Variants in MACROD2 observed in about 807,000 individuals in gnomAD.
MACROD2 encodes the protein mono-ADP ribosylhydrolase 2.
In MACROD2, 36 loss-of-function variants were observed where a neutral mutation model predicts 70.4. The observed-to-expected ratio is 0.51, with a 90% CI of 0.39 to 0.68. The LOEUF is 0.68. MACROD2 is among the 30% of genes least tolerant of loss of function. The pLI is 0.00. For synonymous variants in MACROD2, 172 were observed against 178.8 expected, an observed-to-expected ratio of 0.96 and a Z score of 0.30; for missense variants, 496 against 538.4, an observed-to-expected ratio of 0.92 and a Z score of 0.78.
chr20:14,476,831 T>C (rs751384187), intron 3 of MACROD2, among the ~76,000 whole-genome samples: 16 of 152,244 alleles, frequency 1.1e-4, no homozygotes, highest in Admixed American at 6.5e-4. Flanking sequence ...AATCCTTTCA[T>C]CCTTCTATTA....
At chr20:14,440,265 C>G (rs1338307200) in intron 3 of MACROD2, among the ~76,000 whole-genome samples, 1 of 152,092 alleles carries the variant, frequency 6.6e-6, no homozygotes, top group Non-Finnish European at 1.5e-5. Context: ...TTGTCTAACC[C>G]CAGCTGGTCA....
chr20:15,798,246 T>A (rs916530739), intron 8 of MACROD2, among the ~76,000 whole-genome samples: 3 of 152,160 alleles, frequency 2.0e-5, no homozygotes, highest in African/African-American at 7.2e-5. Context: ...CCACAATGTC[T>A]GGGGCTTTAG....
chr20:14,570,593 A>G (rs1980124626), intron 4 of MACROD2, among the ~76,000 whole-genome samples: 1 of 152,092 alleles, frequency 6.6e-6, no homozygotes, highest in African/African-American at 2.4e-5. Context: ...AAAGAGATAC[A>G]TGATTAAAGC....
intron 6 of MACROD2, among the ~76,000 whole-genome samples, chr20:15,246,275 A>ATGTG (rs139635444): frequency 1.3e-5 from 2 of 151,946 alleles, no homozygotes; most frequent in African/African-American, 4.8e-5. Context: ...GTGTATGTGT[A>ATGTG]TGTGTGTGTG....
At chr20:14,101,813 G>A (rs993644639) in intron 3 of MACROD2, among the ~76,000 whole-genome samples, 3 of 150,856 alleles carry the variant, frequency 2.0e-5, no homozygotes, top group Non-Finnish European at 2.9e-5. Context: ...CAGCTGCTTC[G>A]GCATTTATTC....
At chr20:15,427,063 T>A (rs150440046) in intron 6 of MACROD2, among the ~76,000 whole-genome samples, 194 of 152,234 alleles carry the variant, frequency 1.3e-3, no homozygotes, top group African/African-American at 4.4e-3. Context: ...ATTAATGGAG[T>A]AGGCTTAGTT....
At chr20:14,853,870 A>T (rs1362599954) in intron 5 of MACROD2, among the ~76,000 whole-genome samples, 1 of 152,138 alleles carries the variant, frequency 6.6e-6, no homozygotes, top group Non-Finnish European at 1.5e-5. Context: ...CAAGAATTTA[A>T]TGAGTAATAA....
At chr20:14,961,941 C>T (rs1296246007) in intron 5 of MACROD2, among the ~76,000 whole-genome samples, 1 of 152,108 alleles carries the variant, frequency 6.6e-6, no homozygotes, top group African/African-American at 2.4e-5. Flanking sequence ...AACTAAACTT[C>T]AGACCTTATT....
intron 5 of MACROD2, among the ~76,000 whole-genome samples, chr20:15,142,498 C>A (rs1386439333): frequency 6.6e-6 from 1 of 151,536 alleles, no homozygotes; most frequent in Admixed American, 6.6e-5. Context: ...TGTTATTTTC[C>A]ATTTTTACTA....
intron 4 of MACROD2, among the ~76,000 whole-genome samples, chr20:14,641,663 T>C (rs1985102134): frequency 6.6e-6 from 1 of 152,228 alleles, no homozygotes; most frequent in Non-Finnish European, 1.5e-5. Context: ...ATCAGAGCTC[T>C]TGGGTGACTG....
chr20:14,091,201 T>C (rs1486297025), intron 3 of MACROD2, among the ~76,000 whole-genome samples: 1 of 152,242 alleles, frequency 6.6e-6, no homozygotes. Flanking sequence ...GTGGGTTGTC[T>C]CTTCACTTTG....
intron 4 of MACROD2, among the ~76,000 whole-genome samples, chr20:14,584,666 G>A (rs1288340977): frequency 1.3e-5 from 2 of 152,074 alleles, no homozygotes; most frequent in East Asian, 1.9e-4. Context: ...TTGGTGGGGG[G>A]ACACATTCAG....
chr20:14,370,430 T>C (rs1343517636), intron 3 of MACROD2, among the ~76,000 whole-genome samples: 1 of 152,172 alleles, frequency 6.6e-6, no homozygotes, highest in Non-Finnish European at 1.5e-5. Context: ...AAATTTAGGA[T>C]AAAATATTTC....
chr20:15,651,003 T>C (rs1415846840), intron 8 of MACROD2, among the ~76,000 whole-genome samples: 1 of 152,240 alleles, frequency 6.6e-6, no homozygotes, highest in Non-Finnish European at 1.5e-5. Flanking sequence ...TATTACTTTT[T>C]GAAATTGAAG....
At chr20:14,792,946 G>T (rs1262645125) in intron 5 of MACROD2, among the ~76,000 whole-genome samples, 1 of 151,640 alleles carries the variant, frequency 6.6e-6, no homozygotes, top group Non-Finnish European at 1.5e-5. Context: ...AGTTATTTTG[G>T]ATTTTTTTTA....
At chr20:14,892,329 G>A (rs1459475133) in intron 5 of MACROD2, among the ~76,000 whole-genome samples, 1 of 152,020 alleles carries the variant, frequency 6.6e-6, no homozygotes, top group African/African-American at 2.4e-5. Flanking sequence ...AAAAAAATTA[G>A]CCGGGCTTGG....
At position 15,229,993 on chromosome 20, in the gene MACROD2, A is replaced by G. The variant is rs1292698569; in HGVS notation, c.472A>G (p.Lys158Glu). The G allele has an allele frequency of 6.2e-7, 1 of 1,613,876 alleles. No individual in the cohort carries two copies. The highest frequency in any genetic ancestry group is 2.2e-5 in the East Asian group (1 of 44,860). ...CAGGGGCCATATTAATGGTTCCCAC[A>G]AGGAAGACCTTGCAAATTGCTATAA... ...IARGHINGSH[K>E]EDLANCYKSS... Residue 158 changes from lysine to glutamate, a missense_variant, in exon 6 of 18, where the codon AAG becomes GAG. Coordinates refer to ENST00000684519, the MANE Select transcript of MACROD2 (RefSeq NM_001351661.2).
At chr20:14,826,673 T>C (rs796262399) in intron 5 of MACROD2, among the ~76,000 whole-genome samples, 78 of 152,250 alleles carry the variant, frequency 5.1e-4, no homozygotes, top group African/African-American at 1.6e-3. Flanking sequence ...CTTTGGGTTG[T>C]GTTTGTAACA....
intron 8 of MACROD2, among the ~76,000 whole-genome samples, chr20:15,743,158 T>C (rs2051130070): frequency 6.6e-6 from 1 of 152,184 alleles, no homozygotes; most frequent in Non-Finnish European, 1.5e-5. Flanking sequence ...GCTGAGTTAT[T>C]AGGCCTCTGT....
Sources: allele counts gnomAD v4.1 joint callset (sites outside exome capture counted in the v4.1 genomes callset), GRCh38; gene constraint gnomAD v4.1.1; transcripts MANE v1.5; gene names NCBI Gene and HGNC (gene_info 2026-07-23, HGNC 2026-07-21).